SRBD1: variants seen among roughly 807,000 people sequenced by gnomAD.
SRBD1 encodes the protein S1 RNA-binding domain-containing protein 1.
A neutral mutation model predicts 115.3 loss-of-function variants in SRBD1; 88 were observed. The observed-to-expected ratio is 0.76, with a 90% CI of 0.64 to 0.91. The LOEUF (loss-of-function observed/expected upper bound fraction) is 0.91, where lower values mean the gene tolerates loss of function less well. Ranked by LOEUF, SRBD1 falls within the 40% of genes least tolerant of loss-of-function variation. The pLI is 0.00. For synonymous variants in SRBD1, 509 were observed against 407.7 expected (o/e 1.25, Z -2.99); for missense variants, 1,385 against 1,177.4 (o/e 1.18, Z -2.58).
At chr2:45,477,278 C>G (rs1572683394) in intron 15 of SRBD1, among the ~76,000 whole-genome samples, 1 of 152,080 alleles carries the variant, frequency 6.6e-6, no homozygotes, top group Non-Finnish European at 1.5e-5. Flanking sequence ...ATTATGTCAT[C>G]AGAACTCCTA....
intron 4 of SRBD1, among the ~76,000 whole-genome samples, chr2:45,587,162 A>C (rs1002638251): frequency 1.4e-5 from 2 of 144,676 alleles, no homozygotes; most frequent in African/African-American, 2.5e-5. Flanking sequence ...ATTATTTTAA[A>C]TTATAAATAT....
At chr2:45,414,362 A>G (rs1052145017) in intron 18 of SRBD1, among the ~76,000 whole-genome samples, 1 of 150,114 alleles carries the variant, frequency 6.7e-6, no homozygotes, top group African/African-American at 2.5e-5. Flanking sequence ...ACAAAAACTG[A>G]TTAAATTAAA....
At chr2:45,463,050 T>C (rs1046628322) in intron 16 of SRBD1, among the ~76,000 whole-genome samples, 1 of 144,984 alleles carries the variant, frequency 6.9e-6, no homozygotes, top group Non-Finnish European at 1.5e-5. Context: ...CTTGTCAATA[T>C]AATTTTCCCT....
At position 45,488,434 on chromosome 2, in the gene SRBD1, G is replaced by C. The variant is rs113206174; in HGVS notation, c.1875-103C>G. Reference sequence around the variant, plus strand: ...CATTACCAGAAAAAAAAAAATAACAGGGCAAACTGTTCTCTTCATATCTCA... The same window carrying C: ...CATTACCAGAAAAAAAAAAATAACACGGCAAACTGTTCTCTTCATATCTCA... On this transcript the variant is annotated intron_variant, in intron 14 of 20. Transcript: ENST00000263736. 5,872 of 817,522 alleles carry C rather than the reference G, an allele frequency of 7.2e-3. 242 individuals are homozygous for C. In the African/African-American group the frequency reaches 0.088, roughly 12 times the overall value. 50.6% of individuals were successfully genotyped at this position (817,522 alleles called of 1,614,324 possible). A position where few individuals can be genotyped will look rare whatever the true frequency, so the allele number is the denominator to read the frequency against.
chr2:45,458,134 T>C (rs1008522836), intron 16 of SRBD1, among the ~76,000 whole-genome samples: 2 of 152,064 alleles, frequency 1.3e-5, no homozygotes, highest in Non-Finnish European at 2.9e-5. Flanking sequence ...TGATGTTACT[T>C]TGGAGTTTAT....
At chr2:45,576,569 G>A (rs1296995720) in intron 7 of SRBD1, among the ~76,000 whole-genome samples, 2 of 152,058 alleles carry the variant, frequency 1.3e-5, no homozygotes, top group Non-Finnish European at 2.9e-5. Flanking sequence ...TTCCTATGAG[G>A]GAATTTTCAG....
chr2:45,597,947 T>G (rs939789162), intron 4 of SRBD1, among the ~76,000 whole-genome samples: 1 of 152,102 alleles, frequency 6.6e-6, no homozygotes, highest in African/African-American at 2.4e-5. Flanking sequence ...CTTCTTAACT[T>G]CCTCCTGCAC....
chr2:45,403,801 A>T (rs1442781984), intron 19 of SRBD1, among the ~76,000 whole-genome samples: 3 of 152,084 alleles, frequency 2.0e-5, no homozygotes, highest in African/African-American at 2.4e-5. Flanking sequence ...AAAAAAAATT[A>T]ACATTATTTT....
chr2:45,394,967 A>AT (rs1667103049), intron 19 of SRBD1, among the ~76,000 whole-genome samples: 1 of 152,216 alleles, frequency 6.6e-6, no homozygotes, highest in Non-Finnish European at 1.5e-5. Flanking sequence ...GGCAGCCGGT[A>AT]TCTCTTAGTG....
Position 45,546,716 on chromosome 2 carries a change from T to C in SRBD1, c.1874+16A>G, listed in dbSNP as rs761826892. On this transcript the variant is annotated intron_variant, in intron 14 of 20. Coordinates refer to ENST00000263736, the MANE Select transcript of SRBD1 (RefSeq NM_018079.5). ...CCATGCTTCTCCAAGAAAAGAGATATATGTAATAGCCTTACCAGTAAACAA... is the reference window on the plus strand; with the variant it reads ...CCATGCTTCTCCAAGAAAAGAGATACATGTAATAGCCTTACCAGTAAACAA... The C allele has an allele frequency of 6.2e-7, 1 of 1,610,148 alleles. No homozygotes were observed. The highest frequency in any genetic ancestry group is 1.1e-5 in the South Asian group (1 of 90,998).
chr2:45,537,307 C>T (rs537550198), intron 14 of SRBD1, among the ~76,000 whole-genome samples: 2 of 152,302 alleles, frequency 1.3e-5, no homozygotes, highest in African/African-American at 2.4e-5. Flanking sequence ...TTGTCACTAT[C>T]GCCTTACCTT....
intron 16 of SRBD1, among the ~76,000 whole-genome samples, chr2:45,421,601 GACTA>G (rs2103641472): frequency 1.5e-5 from 2 of 137,626 alleles, no homozygotes; most frequent in East Asian, 4.8e-4. Context: ...AGTATTTGTT[GACTA>G]ACTGAAGCTA....
chr2:45,436,470 A>G (rs916181806), intron 16 of SRBD1, among the ~76,000 whole-genome samples: 6 of 152,178 alleles, frequency 3.9e-5, no homozygotes, highest in African/African-American at 1.2e-4. Context: ...TCACACCGCT[A>G]TAAAGAACTT....
chr2:45,479,176 G>C (rs1479961662), intron 15 of SRBD1, among the ~76,000 whole-genome samples: 1 of 152,008 alleles, frequency 6.6e-6, no homozygotes, highest in East Asian at 1.9e-4. Context: ...CTCTCCTGGG[G>C]CCTCCCTATT....
chr2:45,593,858 C>T (rs1673803259), intron 4 of SRBD1, among the ~76,000 whole-genome samples: 1 of 152,084 alleles, frequency 6.6e-6, no homozygotes, highest in African/African-American at 2.4e-5. Context: ...TGTTAGAAAT[C>T]AGAAGAGTGG....
At chr2:45,424,304 CTACT>C (rs1402171289) in intron 16 of SRBD1, among the ~76,000 whole-genome samples, 1 of 152,092 alleles carries the variant, frequency 6.6e-6, no homozygotes, top group Non-Finnish European at 1.5e-5. Context: ...TAATCCCCTC[CTACT>C]AAGTACAGAA....
Position 45,445,753 on chromosome 2 carries a change from G to C in SRBD1, c.2050-25859C>G, listed in dbSNP as rs537679517. Among the ~76,000 whole-genome samples the C allele has an allele frequency of 2.6e-5, 4 of 152,104 alleles. No individual in the cohort carries two copies. In the East Asian group the frequency reaches 5.8e-4, roughly 22 times the overall value. ...GAGTCATATATACTTTTCAACTACT[G>C]ATAACTCACCTATGAAACGTTTTCA... On this transcript the variant is annotated intron_variant, in intron 16 of 20. Transcript: ENST00000263736.
chr2:45,512,440 T>G (rs945557962), intron 14 of SRBD1, among the ~76,000 whole-genome samples: 1 of 152,192 alleles, frequency 6.6e-6, no homozygotes, highest in South Asian at 2.1e-4. Context: ...TGAAGGATAA[T>G]CCTATCAACA....
At chr2:45,560,877 A>G (rs544833494) in intron 10 of SRBD1, among the ~76,000 whole-genome samples, 48 of 152,072 alleles carry the variant, frequency 3.2e-4, no homozygotes, top group African/African-American at 9.9e-4. Flanking sequence ...AGGCTCAGAT[A>G]GAAGGACCGC....
Sources: allele counts gnomAD v4.1 joint callset (sites outside exome capture counted in the v4.1 genomes callset), GRCh38; gene constraint gnomAD v4.1.1; transcripts MANE v1.5; gene names NCBI Gene and HGNC (gene_info 2026-07-23, HGNC 2026-07-21).